The following DARS1 variants were observed in gnomAD, a reference collection of about 807,000 sequenced individuals.
DARS1 encodes the protein aspartate--tRNA ligase, cytoplasmic.
A neutral mutation model predicts 68.8 loss-of-function variants in DARS1; 51 were observed. The ratio of observed to expected loss-of-function variants is 0.74; its 90% confidence interval spans 0.59 to 0.94. The LOEUF (loss-of-function observed/expected upper bound fraction) is 0.94. Among genes scored for constraint, DARS1 ranks in the 40% least tolerant of loss-of-function variants. The probability of loss-of-function intolerance (pLI) is 0.00; values close to 1 mark genes in which losing one functional copy is unlikely to be tolerated. For synonymous variants in DARS1, 203 were observed against 190.4 expected (o/e 1.07, Z -0.55); for missense variants, 607 against 597.3 (o/e 1.02, Z -0.17).
chr2:135,947,009 T>C (rs1266510704), intron 4 of DARS1, among the ~76,000 whole-genome samples: 2 of 152,182 alleles, frequency 1.3e-5, no homozygotes, highest in Non-Finnish European at 2.9e-5. Flanking sequence ...CTCGAACTCC[T>C]GGGCTCAAGT....
intron 4 of DARS1, among the ~76,000 whole-genome samples, chr2:135,955,416 C>T (rs1161809125): frequency 6.6e-6 from 1 of 151,866 alleles, no homozygotes; most frequent in Non-Finnish European, 1.5e-5. Context: ...TAAATCTTTG[C>T]AAGGGGGGTG....
At chr2:135,938,883 T>C (rs1187754161) in intron 5 of DARS1, among the ~76,000 whole-genome samples, 1 of 152,114 alleles carries the variant, frequency 6.6e-6, no homozygotes, top group Non-Finnish European at 1.5e-5. Context: ...AAAACAGACT[T>C]TAAGCCAACA....
chr2:135,933,438 T>C (rs1263795461), intron 6 of DARS1, among the ~76,000 whole-genome samples: 1 of 152,226 alleles, frequency 6.6e-6, no homozygotes, highest in Non-Finnish European at 1.5e-5. Context: ...ATTGTGGTTA[T>C]ATAAACAGAA....
chr2:135,907,485 T>A, intron 15 of DARS1, 78 bp from the exon 16 acceptor site: 8 of 926,582 alleles, frequency 8.6e-6, no homozygotes, highest in Non-Finnish European at 1.3e-5. Flanking sequence ...AACATAAATG[T>A]AATCGTTAAA....
Position 135,922,927 on chromosome 2 carries a change from T to C in DARS1, c.677-9A>G. On this transcript the variant is annotated splice_polypyrimidine_tract_variant and intron_variant, in intron 8 of 15. Coordinates refer to ENST00000264161, the MANE Select transcript of DARS1 (RefSeq NM_001349.4). ...TCCTCCTTCACTGGCAGCTGAAAGGTAAACATTTATATTTATATTATTATA... is the reference window on the plus strand; with the variant it reads ...TCCTCCTTCACTGGCAGCTGAAAGGCAAACATTTATATTTATATTATTATA... 4 of 1,534,668 alleles carry C rather than the reference T, an allele frequency of 2.6e-6. No homozygotes were observed. The highest frequency in any genetic ancestry group is 3.5e-6 in the Non-Finnish European group (4 of 1,146,998).
intron 8 of DARS1, among the ~76,000 whole-genome samples, 162 bp downstream of exon 8, chr2:135,924,225 T>C (rs1681166031): frequency 6.6e-6 from 1 of 152,222 alleles, no homozygotes; most frequent in Non-Finnish European, 1.5e-5. Flanking sequence ...GTTGGTGATA[T>C]ATGATTGTTG....
intron 5 of DARS1, among the ~76,000 whole-genome samples, chr2:135,941,242 G>T (rs531172176): frequency 6.6e-6 from 1 of 152,138 alleles, no homozygotes; most frequent in Non-Finnish European, 1.5e-5. Flanking sequence ...GAGGCACCAC[G>T]CTACCTGACT....
At chr2:135,937,333 T>TATGGTATTTTAAGTC (rs894222563) in intron 5 of DARS1, among the ~76,000 whole-genome samples, 1 of 152,038 alleles carries the variant, frequency 6.6e-6, no homozygotes, top group African/African-American at 2.4e-5. Flanking sequence ...AAGTGACACT[T>TATGGTATTTTAAGTC]ATGGTATTTT....
intron 4 of DARS1, among the ~76,000 whole-genome samples, chr2:135,946,820 T>C (rs1034548026): frequency 1.3e-5 from 2 of 152,176 alleles, no homozygotes; most frequent in African/African-American, 4.8e-5. Flanking sequence ...TGACGAGTCC[T>C]CCTGAGCATA....
At chr2:135,968,998 G>A (rs1334427034) in intron 3 of DARS1, among the ~76,000 whole-genome samples, 2 of 151,922 alleles carry the variant, frequency 1.3e-5, no homozygotes, top group Non-Finnish European at 2.9e-5. Context: ...GAAAAATAAC[G>A]AAACCATGGC....
chr2:135,912,328 T>C (rs1161745829), intron 13 of DARS1, among the ~76,000 whole-genome samples, 158 bp downstream of exon 13: 1 of 152,252 alleles, frequency 6.6e-6, no homozygotes, highest in Non-Finnish European at 1.5e-5. Flanking sequence ...TTTTACAATA[T>C]CATTTTGACC....
intron 3 of DARS1, among the ~76,000 whole-genome samples, chr2:135,968,546 ATAAAGT>A: frequency 6.6e-6 from 1 of 152,200 alleles, no homozygotes; most frequent in Middle Eastern, 3.4e-3. Flanking sequence ...AGGTCTCCTT[ATAAAGT>A]CACTAATGCC....
At chr2:135,973,795 A>G (rs891018378) in intron 3 of DARS1, among the ~76,000 whole-genome samples, 5 of 152,178 alleles carry the variant, frequency 3.3e-5, no homozygotes, top group Admixed American at 2.6e-4. Context: ...TGAGCCTAGG[A>G]GCCACAGGTG....
chr2:135,960,687 T>C (rs920639721), intron 4 of DARS1, among the ~76,000 whole-genome samples: 1 of 152,080 alleles, frequency 6.6e-6, no homozygotes, highest in Non-Finnish European at 1.5e-5. Flanking sequence ...TCTGATGAAA[T>C]TGAAAAAAAA....
intron 3 of DARS1, among the ~76,000 whole-genome samples, chr2:135,976,081 A>T (rs1487132985): frequency 6.6e-6 from 1 of 152,242 alleles, no homozygotes; most frequent in Non-Finnish European, 1.5e-5. Flanking sequence ...AATCTAGAAT[A>T]AATTTTTCAA....
intron 10 of DARS1, 113 bp downstream of exon 10, chr2:135,920,340 T>A: frequency 7.1e-7 from 1 of 1,416,162 alleles, no homozygotes; most frequent in Non-Finnish European, 9.3e-7. Context: ...GGTAAATCTT[T>A]ATATATATGT....
intron 3 of DARS1, among the ~76,000 whole-genome samples, chr2:135,964,168 C>T (rs1682163926): frequency 6.6e-6 from 1 of 152,042 alleles, no homozygotes; most frequent in Non-Finnish European, 1.5e-5. Flanking sequence ...CCATATGTAA[C>T]GTGTAATCCC....
At chr2:135,948,237 T>C (rs889505086) in intron 4 of DARS1, among the ~76,000 whole-genome samples, 1 of 152,098 alleles carries the variant, frequency 6.6e-6, no homozygotes, top group Non-Finnish European at 1.5e-5. Flanking sequence ...GTTCAAGGAG[T>C]TGCAATACAC....
intron 14 of DARS1, 69 bp downstream of exon 14, chr2:135,911,313 G>A (rs1238348936): frequency 5.9e-6 from 5 of 847,496 alleles, no homozygotes; most frequent in African/African-American, 5.0e-5. Context: ...AGACTGAGAA[G>A]TCTTTTAAAT....
Sources: allele counts gnomAD v4.1 joint callset (sites outside exome capture counted in the v4.1 genomes callset), GRCh38; gene constraint gnomAD v4.1.1; transcripts MANE v1.5; gene names NCBI Gene and HGNC (gene_info 2026-07-23, HGNC 2026-07-21).